Variants in DCUN1D4 observed in about 807,000 individuals in gnomAD.
DCUN1D4 encodes the protein DCN1-like protein 4.
A neutral mutation model predicts 47.9 loss-of-function variants in DCUN1D4; 22 were observed. That is an observed-to-expected ratio of 0.46 (90% CI 0.33 to 0.66). The LOEUF (loss-of-function observed/expected upper bound fraction) is 0.66, where lower values mean the gene tolerates loss of function less well. Ranked by LOEUF, DCUN1D4 falls within the 30% of genes least tolerant of loss-of-function variation. The probability of loss-of-function intolerance (pLI) is 0.02; values close to 1 mark genes in which losing one functional copy is unlikely to be tolerated. For synonymous variants in DCUN1D4, 121 were observed against 112.2 expected, an observed-to-expected ratio of 1.08 and a Z score of -0.50; for missense variants, 301 against 340.8, an observed-to-expected ratio of 0.88 and a Z score of 0.92.
chr4:51,879,584 G>C (rs1728210186), intron 5 of DCUN1D4, among the ~76,000 whole-genome samples: 1 of 152,224 alleles, frequency 6.6e-6, no homozygotes, highest in South Asian at 2.1e-4. Context: ...TCCAGCCTGG[G>C]CGACAGAGCA....
Position 51,916,824 on chromosome 4 carries a change from G to A in DCUN1D4, c.*3240G>A, listed in dbSNP as rs1578080591. 3 of 152,478 alleles carry A rather than the reference G, an allele frequency of 2.0e-5. No individual in the cohort carries two copies. The East Asian group carries it at 5.8e-4, about 29-fold the overall frequency. 9.4% of individuals were successfully genotyped at this position (152,478 alleles called of 1,614,324 possible). A position where few individuals can be genotyped will look rare whatever the true frequency, so the allele number is the denominator to read the frequency against. On this transcript the variant is annotated 3_prime_UTR_variant, in exon 11 of 11. Transcript: ENST00000334635. Reference sequence around the variant, plus strand: ...TATCCCATGAATAAAAAGTATTTGTGTTTGGTTTCAGAACAGATGTGTAAA... The same window carrying A: ...TATCCCATGAATAAAAAGTATTTGTATTTGGTTTCAGAACAGATGTGTAAA...
intron 1 of DCUN1D4, among the ~76,000 whole-genome samples, chr4:51,858,825 A>G (rs947344804): frequency 1.5e-4 from 23 of 152,182 alleles, no homozygotes; most frequent in African/African-American, 5.5e-4. Flanking sequence ...AAGCAGCCAT[A>G]CTTACGTATT....
intron 6 of DCUN1D4, among the ~76,000 whole-genome samples, chr4:51,889,728 T>C (rs532848647): frequency 1.2e-4 from 18 of 152,308 alleles, no homozygotes; most frequent in African/African-American, 4.3e-4. Context: ...TAAATCGATA[T>C]ACAAGAGTCA....
chr4:51,848,051 A>G (rs984106275), intron 1 of DCUN1D4, among the ~76,000 whole-genome samples: 1 of 152,232 alleles, frequency 6.6e-6, no homozygotes, highest in Non-Finnish European at 1.5e-5. Flanking sequence ...TAACTTGTGC[A>G]TTATCTAGAA....
intron 8 of DCUN1D4, among the ~76,000 whole-genome samples, chr4:51,904,214 G>T (rs1265862652): frequency 3.3e-5 from 5 of 151,966 alleles, no homozygotes; most frequent in African/African-American, 1.2e-4. Context: ...GGATGATTTG[G>T]CCCCACTACT....
chr4:51,863,693 A>G lies in DCUN1D4; in HGVS notation c.120A>G (p.Gln40=). 6.2e-7 allele frequency: 1 copy of G among 1,613,578 alleles called. No homozygotes were observed. Among genetic ancestry groups the G allele is most frequent in the African/African-American group, 1.3e-5 (1 of 75,044 alleles). ...NKLNLTEDIG[Q]DDHQTGSLRS... is the part of the protein sequence containing the mutation. The stretch of plus-strand genomic sequence containing the variant: ...AGAACCTAACAGAAGACATTGGCCA[A>G]GACGATCACCAAACAGGTATCTGTA... The change falls in exon 3 of 11, where the codon CAA becomes CAG. Residue 40 remains glutamine (Q), a synonymous_variant. Coordinates refer to ENST00000334635, the MANE Select transcript of DCUN1D4 (RefSeq NM_001040402.3).
At chr4:51,874,799 C>T (rs1330864974) in intron 4 of DCUN1D4, 1 of 154,062 alleles carries the variant, frequency 6.5e-6, no homozygotes, top group African/African-American at 2.4e-5. Flanking sequence ...AGAATATCAG[C>T]CAAGCTGAGG....
the DCUN1D4 span, among the ~76,000 whole-genome samples, chr4:51,836,853 C>G: frequency 6.6e-6 from 1 of 152,168 alleles, no homozygotes; most frequent in African/African-American, 2.4e-5. Flanking sequence ...ATGCAGCCAC[C>G]AACAACCGGA....
the DCUN1D4 span, among the ~76,000 whole-genome samples, chr4:51,835,188 G>A: frequency 6.6e-6 from 1 of 152,210 alleles, no homozygotes; most frequent in Non-Finnish European, 1.5e-5. Flanking sequence ...ATAGCACAGT[G>A]AGTAAAAATA....
chr4:51,884,795 G>A (rs1370843198), intron 5 of DCUN1D4: 1 of 152,208 alleles, frequency 6.6e-6, no homozygotes, highest in Non-Finnish European at 1.5e-5. Flanking sequence ...AGATTGTGAG[G>A]ACTACTCCTT....
intron 5 of DCUN1D4, among the ~76,000 whole-genome samples, chr4:51,881,854 G>A (rs916064900): frequency 6.6e-6 from 1 of 151,996 alleles, no homozygotes; most frequent in African/African-American, 2.4e-5. Flanking sequence ...ATTTAAATGT[G>A]TGCATGGGAA....
chr4:51,877,895 CAAT>C (rs769551285), intron 5 of DCUN1D4, 41 bp downstream of exon 5: 65 of 1,294,896 alleles, frequency 5.0e-5, no homozygotes, highest in Non-Finnish European at 7.1e-5. Context: ...ATCCTTATGA[CAAT>C]AAGGAGTACC....
At chr4:51,854,682 T>C (rs1723863594) in intron 1 of DCUN1D4, among the ~76,000 whole-genome samples, 1 of 152,260 alleles carries the variant, frequency 6.6e-6, no homozygotes, top group Non-Finnish European at 1.5e-5. Flanking sequence ...CTCAGTTCTG[T>C]CATTGCAGTC....
intron 6 of DCUN1D4, among the ~76,000 whole-genome samples, chr4:51,888,674 ACAT>A (rs1729921476): frequency 6.7e-6 from 1 of 149,154 alleles, no homozygotes. Context: ...AGCAGAGCCG[ACAT>A]CATGCCACTG....
At chr4:51,843,663 G>C in intron 1 of DCUN1D4, 1 of 1,249,996 alleles carries the variant, frequency 8.0e-7, no homozygotes. Flanking sequence ...GGAGAGGGAG[G>C]GAGCGAGCGA....
chr4:51,899,375 A>T lies in DCUN1D4; in HGVS notation c.612A>T (p.Ala204=), dbSNP rs141058328. 7 of 1,605,328 alleles carry T rather than the reference A, an allele frequency of 4.4e-6. No individual in the cohort carries two copies. Among genetic ancestry groups the T allele is most frequent in the Non-Finnish European group, 6.0e-6 (7 of 1,175,904 alleles). ...TTTACAGATATGCGTTTGACTTTGC[A>T]CGGGTGAGTTCTCTGGAGCCTATCC... ...KLIYRYAFDF[A]REKDQRSLDI... Residue 204 remains alanine (A), a synonymous_variant, in exon 8 of 11, where the codon GCA becomes GCT. Transcript: ENST00000334635.
At chr4:51,912,847 G>A (rs1193455321) in intron 9 of DCUN1D4, among the ~76,000 whole-genome samples, 1 of 152,186 alleles carries the variant, frequency 6.6e-6, no homozygotes, top group East Asian at 1.9e-4. Context: ...GGCAGTGCTG[G>A]TTATGTCAGG....
intron 6 of DCUN1D4, chr4:51,887,333 C>T (rs1729658453): frequency 3.5e-6 from 1 of 287,746 alleles, no homozygotes; most frequent in Admixed American, 5.0e-5. Flanking sequence ...ATCTCCTGAC[C>T]TTGTGATCTG....
intron 3 of DCUN1D4, among the ~76,000 whole-genome samples, chr4:51,866,161 A>G (rs1369461481): frequency 6.6e-6 from 1 of 152,230 alleles, no homozygotes. Flanking sequence ...ATCATTCCAT[A>G]TCAGCAAATA....
Sources: allele counts gnomAD v4.1 joint callset (sites outside exome capture counted in the v4.1 genomes callset), GRCh38; gene constraint gnomAD v4.1.1; transcripts MANE v1.5; gene names NCBI Gene and HGNC (gene_info 2026-07-23, HGNC 2026-07-21).